Variants in SORCS1 observed in about 807,000 individuals in gnomAD.
SORCS1 encodes VPS10 domain-containing receptor SorCS1.
A neutral mutation model predicts 146.1 loss-of-function variants in SORCS1; 60 were observed. The ratio of observed to expected loss-of-function variants is 0.41; its 90% confidence interval spans 0.33 to 0.51. The LOEUF is 0.51. Among genes scored for constraint, SORCS1 ranks in the 20% least tolerant of loss-of-function variants. SORCS1 has a pLI of 0.21. For synonymous variants in SORCS1, 637 were observed against 584.0 expected (o/e 1.09, Z -1.31); for missense variants, 1,352 against 1,487.6 (o/e 0.91, Z 1.50).
At position 106,960,444 on chromosome 10, in the gene SORCS1, C is replaced by T. The variant is rs1251466100; in HGVS notation, c.559-3864G>A. The stretch of plus-strand genomic sequence containing the variant: ...TTTTTGAGATGGAATCTCGCTCTGT[C>T]GCCAGGCTGGAGTGCAGTGGCGTGA... On this transcript the variant is annotated intron_variant, in intron 1 of 25. Coordinates refer to ENST00000263054, the MANE Select transcript of SORCS1 (RefSeq NM_052918.5). This position sits in a 1 kb window ranked among gnomAD's most constrained non-coding sequence, Gnocchi z 4.4. 2.0e-5 allele frequency among the ~76,000 whole-genome samples: 3 copies of T among 150,524 alleles called. No individual in the cohort carries two copies. The highest frequency in any genetic ancestry group is 3.9e-4 in the East Asian group (2 of 5,116).
At chr10:107,114,136 G>T (rs1965871845) in intron 1 of SORCS1, among the ~76,000 whole-genome samples, 1 of 152,078 alleles carries the variant, frequency 6.6e-6, no homozygotes, top group Non-Finnish European at 1.5e-5. Flanking sequence ...CAAGTGAGAA[G>T]ATTGAATCAG....
intron 24 of SORCS1, among the ~76,000 whole-genome samples, chr10:106,581,027 A>G (rs1844872517): frequency 6.6e-6 from 1 of 152,178 alleles, no homozygotes. Context: ...GGAACGCCCA[A>G]GGCAAATTTT....
At chr10:106,621,084 T>C (rs967298481) in intron 19 of SORCS1, among the ~76,000 whole-genome samples, 1 of 152,190 alleles carries the variant, frequency 6.6e-6, no homozygotes, top group Non-Finnish European at 1.5e-5. Context: ...TAGGTAAGCA[T>C]GGCACACACA....
At chr10:107,159,056 G>A (rs1025776063) in intron 1 of SORCS1, among the ~76,000 whole-genome samples, 3 of 152,046 alleles carry the variant, frequency 2.0e-5, no homozygotes, top group Non-Finnish European at 4.4e-5. Flanking sequence ...TTAACATGAA[G>A]ATGTAATACA....
At chr10:107,032,638 T>C (rs1259043184) in intron 1 of SORCS1, among the ~76,000 whole-genome samples, 2 of 152,194 alleles carry the variant, frequency 1.3e-5, no homozygotes, top group Non-Finnish European at 2.9e-5. Flanking sequence ...TGTTGCCCTA[T>C]GGATATGTGG....
In SORCS1 at chr10:107,108,922, G is replaced by A. The variant is rs1965491518; in HGVS notation, c.558+55047C>T. ...AAAAGAAAGGGGCTACAGGCTTTAT[G>A]CAAGTTTGAAACCAGCAAGGCAGTC... is the stretch of plus-strand genomic sequence containing the variant. On this transcript the variant is annotated intron_variant, in intron 1 of 25. Coordinates refer to ENST00000263054, the MANE Select transcript of SORCS1 (RefSeq NM_052918.5). Among the ~76,000 whole-genome samples, 2 of 152,212 alleles carry A rather than the reference G, an allele frequency of 1.3e-5. 1 individual carries two copies. Among genetic ancestry groups the A allele is most frequent in the South Asian group, 4.1e-4 (2 of 4,834 alleles).
chr10:107,041,806 T>C (rs1161841758), intron 1 of SORCS1, among the ~76,000 whole-genome samples: 1 of 152,160 alleles, frequency 6.6e-6, no homozygotes, highest in Non-Finnish European at 1.5e-5. Flanking sequence ...TGTGTCTCTG[T>C]TTCCTAGACA....
At chr10:106,849,896 TC>T (rs941857671) in intron 2 of SORCS1, among the ~76,000 whole-genome samples, 106 of 152,106 alleles carry the variant, frequency 7.0e-4, no homozygotes, top group African/African-American at 2.3e-3. Flanking sequence ...GTTAGGCTGC[TC>T]GGGGGTCAGG....
At chr10:106,981,920 G>A (rs1301782425) in intron 1 of SORCS1, among the ~76,000 whole-genome samples, 2 of 152,160 alleles carry the variant, frequency 1.3e-5, no homozygotes, top group African/African-American at 4.8e-5. Context: ...ACGAAATAGT[G>A]CAAGCACAAA....
intron 2 of SORCS1, among the ~76,000 whole-genome samples, chr10:106,918,016 T>A (rs1468452841): frequency 1.3e-5 from 2 of 152,160 alleles, no homozygotes; most frequent in Admixed American, 1.3e-4. Flanking sequence ...TATTTACTAT[T>A]TCCTGAACTC....
chr10:106,952,407 G>T (rs1954727951), intron 2 of SORCS1, among the ~76,000 whole-genome samples: 2 of 151,940 alleles, frequency 1.3e-5, no homozygotes, highest in African/African-American at 2.4e-5. Context: ...CTCTTCCTGA[G>T]CCCTGTCCTC....
At chr10:107,012,791 T>C (rs989955335) in intron 1 of SORCS1, among the ~76,000 whole-genome samples, 7 of 152,206 alleles carry the variant, frequency 4.6e-5, no homozygotes, top group African/African-American at 7.2e-5. Context: ...ACAGATACCA[T>C]GGGATTTATC....
At chr10:107,122,178 T>C (rs2134549823) in intron 1 of SORCS1, among the ~76,000 whole-genome samples, 1 of 152,346 alleles carries the variant, frequency 6.6e-6, no homozygotes, top group Admixed American at 6.5e-5. Flanking sequence ...AATGACATTC[T>C]TATTTCTGTC....
chr10:106,922,886 CT>C (rs1392167770), intron 2 of SORCS1, among the ~76,000 whole-genome samples: 3 of 115,458 alleles, frequency 2.6e-5, no homozygotes, highest in Admixed American at 1.1e-4. Flanking sequence ...ACCATGCAGC[CT>C]TTTCTTTTTT....
intron 21 of SORCS1, among the ~76,000 whole-genome samples, chr10:106,617,855 C>CA (rs1205176251): frequency 6.6e-6 from 1 of 152,120 alleles, no homozygotes; most frequent in Non-Finnish European, 1.5e-5. Context: ...ATATTACTAA[C>CA]AATCTAAGTG....
chr10:107,054,656 A>C (rs986565974), intron 1 of SORCS1, among the ~76,000 whole-genome samples: 1 of 152,222 alleles, frequency 6.6e-6, no homozygotes, highest in East Asian at 1.9e-4. Context: ...GCAGTGAAAA[A>C]TGGGTCATCT....
intron 10 of SORCS1, among the ~76,000 whole-genome samples, chr10:106,687,095 T>A (rs1852907591): frequency 6.6e-6 from 1 of 152,198 alleles, no homozygotes; most frequent in Non-Finnish European, 1.5e-5. Context: ...GTATTAATAA[T>A]GTTTGCAATT....
chr10:106,864,234 C>T (rs1413517026), intron 2 of SORCS1, among the ~76,000 whole-genome samples: 1 of 152,182 alleles, frequency 6.6e-6, no homozygotes, highest in Non-Finnish European at 1.5e-5. Flanking sequence ...AAGAGAACAA[C>T]TCAGTCCACG....
intron 1 of SORCS1, among the ~76,000 whole-genome samples, chr10:107,121,012 C>T (rs527607253): frequency 4.6e-5 from 7 of 152,134 alleles, no homozygotes; most frequent in African/African-American, 1.4e-4. Flanking sequence ...ACCAGCACTT[C>T]GAAAAGGAGG....
Sources: allele counts gnomAD v4.1 joint callset (sites outside exome capture counted in the v4.1 genomes callset), GRCh38; gene constraint gnomAD v4.1.1; non-coding constraint Gnocchi (gnomAD v3.1); transcripts MANE v1.5; gene names NCBI Gene and HGNC (gene_info 2026-07-23, HGNC 2026-07-21).